The following UBE2E1 variants were observed in gnomAD, a reference collection of about 807,000 sequenced individuals.
UBE2E1 encodes ubiquitin-conjugating enzyme E2 E1.
In UBE2E1, 6 loss-of-function variants were observed where a neutral mutation model predicts 21.4. That is an observed-to-expected ratio of 0.28 (90% CI 0.15 to 0.55). The LOEUF (loss-of-function observed/expected upper bound fraction) is 0.55. UBE2E1 is among the 20% of genes least tolerant of loss of function. The pLI is 0.93. For missense variants in UBE2E1, 142 were observed against 236.5 expected, an observed-to-expected ratio of 0.60 and a Z score of 2.62; for synonymous variants, 87 against 82.7, an observed-to-expected ratio of 1.05 and a Z score of -0.28.
intron 3 of UBE2E1, among the ~76,000 whole-genome samples, chr3:23,850,254 G>A (rs1700294293): frequency 6.6e-6 from 1 of 152,234 alleles, no homozygotes; most frequent in Non-Finnish European, 1.5e-5. Flanking sequence ...TCCTGCCTCA[G>A]CCTCCCAAAG....
At chr3:23,878,448 C>CA (rs1700965647) in intron 3 of UBE2E1, among the ~76,000 whole-genome samples, 1 of 152,188 alleles carries the variant, frequency 6.6e-6, no homozygotes, top group African/African-American at 2.4e-5. Context: ...CAGGGTTCCC[C>CA]AAAGCCTGGG....
intron 2 of UBE2E1, 93 bp from the exon 3 acceptor site, chr3:23,811,367 C>A: frequency 8.3e-7 from 1 of 1,203,542 alleles, no homozygotes. Context: ...AGTGATCGCG[C>A]TTAGGTTTAT....
At chr3:23,831,192 C>T (rs999657663) in intron 3 of UBE2E1, among the ~76,000 whole-genome samples, 13 of 152,058 alleles carry the variant, frequency 8.5e-5, no homozygotes, top group Admixed American at 4.6e-4. Context: ...TCTGATAACC[C>T]AGGAACTGAA....
intron 3 of UBE2E1, among the ~76,000 whole-genome samples, chr3:23,874,465 T>C (rs73034788): frequency 0.019 from 2,853 of 152,318 alleles, 46 homozygotes; most frequent in South Asian, 0.046. Context: ...CCAGGACTAA[T>C]AACCCGTTGG....
At position 23,887,931 on chromosome 3, in the gene UBE2E1, A is replaced by C; in HGVS notation, c.336+232A>C. On this transcript the variant is annotated intron_variant, in intron 4 of 5. Transcript: ENST00000306627. The surrounding 1 kb of genome is among the most constrained non-coding windows in gnomAD (Gnocchi z 4.4). The stretch of plus-strand genomic sequence containing the variant: ...GATGGTGCTTAAAATTGTGCTATTT[A>C]TAGTAATATTGTCAGCAACCTAGAA... 1.8e-6 allele frequency: 1 copy of C among 549,646 alleles called. No homozygotes were observed. Among genetic ancestry groups the C allele is most frequent in the Non-Finnish European group, 3.2e-6 (1 of 316,816 alleles). The allele number at this position is 549,646 out of a possible 1,614,324, so 34.0% of individuals were successfully genotyped here. A position where few individuals can be genotyped will look rare whatever the true frequency, so the allele number is the denominator to read the frequency against.
intron 3 of UBE2E1, among the ~76,000 whole-genome samples, chr3:23,861,501 CAG>C (rs901050054): frequency 2.0e-5 from 3 of 152,206 alleles, no homozygotes; most frequent in Admixed American, 6.5e-5. Flanking sequence ...TAGGTGAAGA[CAG>C]GCACTCCAGC....
At chr3:23,822,119 G>A (rs1036688428) in intron 3 of UBE2E1, among the ~76,000 whole-genome samples, 26 of 152,186 alleles carry the variant, frequency 1.7e-4, no homozygotes, top group African/African-American at 6.0e-4. Context: ...GCAGTGAGTG[G>A]AAAGTTTTGA....
intron 3 of UBE2E1, among the ~76,000 whole-genome samples, chr3:23,861,249 A>G (rs1487237444): frequency 1.3e-5 from 2 of 152,190 alleles, no homozygotes; most frequent in African/African-American, 2.4e-5. Context: ...GCTCTTGTCC[A>G]GGTTGTTAGA....
chr3:23,831,341 A>G (rs1699862174), intron 3 of UBE2E1, among the ~76,000 whole-genome samples: 1 of 152,076 alleles, frequency 6.6e-6, no homozygotes, highest in Non-Finnish European at 1.5e-5. Context: ...GAACATGACC[A>G]CAGGCACCCA....
chr3:23,871,234 T>A (rs1020270158), intron 3 of UBE2E1, among the ~76,000 whole-genome samples: 2 of 145,986 alleles, frequency 1.4e-5, no homozygotes, highest in Admixed American at 1.4e-4. Flanking sequence ...GAGGGGCTCC[T>A]CACTTCCCAG....
chr3:23,847,144 A>G (rs770001347), intron 3 of UBE2E1, among the ~76,000 whole-genome samples: 1 of 152,222 alleles, frequency 6.6e-6, no homozygotes, highest in African/African-American at 2.4e-5. Context: ...TAGGGCGATC[A>G]TATAATTACT....
intron 3 of UBE2E1, among the ~76,000 whole-genome samples, chr3:23,868,275 C>G (rs1575027971): frequency 2.0e-5 from 3 of 152,042 alleles, no homozygotes; most frequent in South Asian, 2.1e-4. Flanking sequence ...GCTGCTTACC[C>G]TAGGGTGACC....
Position 23,842,249 on chromosome 3 carries a change from G to GTGT in UBE2E1, c.203+30739_203+30740insTGT, listed in dbSNP as rs58491698. 2.1e-4 allele frequency among the ~76,000 whole-genome samples: 21 copies of GTGT among 98,306 alleles called. 1 individual carries two copies. The South Asian group carries it at 2.2e-3, about 10-fold the overall frequency. 64.5% of individuals were successfully genotyped at this position (98,306 alleles called of 152,430 possible). ...TGTGTGTGTGTGTGTGTGTGTGTGT[G>GTGT]GTGTTGTTGTTGTTGGCGACAGGGT... is the stretch of plus-strand genomic sequence containing the variant. On this transcript the variant is annotated intron_variant, in intron 3 of 5. Coordinates refer to ENST00000306627, the MANE Select transcript of UBE2E1 (RefSeq NM_003341.5). This position sits in a 1 kb window ranked among gnomAD's most constrained non-coding sequence, Gnocchi z 4.6.
At chr3:23,813,078 A>T (rs1321270512) in intron 3 of UBE2E1, among the ~76,000 whole-genome samples, 2 of 151,982 alleles carry the variant, frequency 1.3e-5, no homozygotes, top group African/African-American at 4.8e-5. Flanking sequence ...CTCCTGAGGC[A>T]TGTGGAACTT....
intron 3 of UBE2E1, among the ~76,000 whole-genome samples, chr3:23,844,560 G>A (rs540048226): frequency 6.6e-6 from 1 of 152,278 alleles, no homozygotes; most frequent in Admixed American, 6.5e-5. Flanking sequence ...GAATTAAGCA[G>A]AACTGCAAGG....
intron 5 of UBE2E1, chr3:23,889,903 T>A (rs1052636720): frequency 2.8e-5 from 5 of 177,012 alleles, no homozygotes; most frequent in Non-Finnish European, 5.5e-5. Context: ...TCAAAAAATA[T>A]ATATATATAC....
At chr3:23,833,224 T>C (rs1254778013) in intron 3 of UBE2E1, among the ~76,000 whole-genome samples, 1 of 149,462 alleles carries the variant, frequency 6.7e-6, no homozygotes, top group African/African-American at 2.6e-5. Flanking sequence ...AATGGAGATA[T>C]TTTTTATTTT....
At chr3:23,833,561 A>G (rs749816278) in intron 3 of UBE2E1, among the ~76,000 whole-genome samples, 52 of 152,268 alleles carry the variant, frequency 3.4e-4, no homozygotes, top group Non-Finnish European at 2.1e-4. Flanking sequence ...AGAGTATTAA[A>G]TGCAGATGAA....
At chr3:23,871,821 C>A (rs951692762) in intron 3 of UBE2E1, among the ~76,000 whole-genome samples, 1 of 150,628 alleles carries the variant, frequency 6.6e-6, no homozygotes, top group Non-Finnish European at 1.5e-5. Flanking sequence ...GGATGGCGGC[C>A]GGGAAGAGGC....
Sources: allele counts gnomAD v4.1 joint callset (sites outside exome capture counted in the v4.1 genomes callset), GRCh38; gene constraint gnomAD v4.1.1; non-coding constraint Gnocchi (gnomAD v3.1); transcripts MANE v1.5; gene names NCBI Gene and HGNC (gene_info 2026-07-23, HGNC 2026-07-21).